Variants in LSAMP observed in about 807,000 individuals in gnomAD.
LSAMP encodes the protein limbic system associated membrane protein.
Under a neutral mutation model 38.6 loss-of-function variants are expected in LSAMP, and 7 were observed. The ratio of observed to expected loss-of-function variants is 0.18; its 90% confidence interval spans 0.10 to 0.34. The LOEUF (loss-of-function observed/expected upper bound fraction) is 0.34, where lower values mean the gene tolerates loss of function less well. Among genes scored for constraint, LSAMP ranks in the 10% least tolerant of loss-of-function variants. LSAMP has a pLI of 1.00. For synonymous variants in LSAMP, 154 were observed against 166.8 expected, an observed-to-expected ratio of 0.92 and a Z score of 0.59; for missense variants, 313 against 420.0, an observed-to-expected ratio of 0.75 and a Z score of 2.23.
intron 1 of LSAMP, among the ~76,000 whole-genome samples, chr3:116,116,738 A>AATG (rs1338478700): frequency 1.3e-5 from 2 of 151,702 alleles, no homozygotes; most frequent in East Asian, 3.9e-4. Flanking sequence ...TAATAATAAT[A>AATG]ATAATAATAA....
At chr3:115,838,193 T>C (rs925013347) in intron 6 of LSAMP, 1 of 152,242 alleles carries the variant, frequency 6.6e-6, no homozygotes, top group African/African-American at 2.4e-5. Context: ...AATCAGATCA[T>C]GTATCTGAAA....
At chr3:116,056,001 T>G (rs55851212) in intron 2 of LSAMP, among the ~76,000 whole-genome samples, 36,672 of 151,954 alleles carry the variant, frequency 0.24, 4,536 homozygotes, top group Admixed American at 0.29. Flanking sequence ...ACACGACTAT[T>G]GAGGGAGCAG....
intron 3 of LSAMP, among the ~76,000 whole-genome samples, chr3:115,854,376 A>G (rs915463957): frequency 6.9e-6 from 1 of 144,736 alleles, no homozygotes; most frequent in Admixed American, 7.1e-5. Flanking sequence ...TCCGCCTCCC[A>G]GGTTCACGCC....
intron 4 of LSAMP, among the ~76,000 whole-genome samples, chr3:115,843,080 C>T (rs1164572178): frequency 6.6e-6 from 1 of 152,140 alleles, no homozygotes; most frequent in African/African-American, 2.4e-5. Context: ...GATATTGTTG[C>T]AGGATTCAGA....
At chr3:116,043,924 C>T (rs1286383399) in intron 2 of LSAMP, among the ~76,000 whole-genome samples, 3 of 152,082 alleles carry the variant, frequency 2.0e-5, no homozygotes, top group Non-Finnish European at 4.4e-5. Context: ...CCCGCCTGGG[C>T]GAAAGAGCGA....
At chr3:115,899,908 C>T (rs1290529147) in intron 3 of LSAMP, among the ~76,000 whole-genome samples, 16 of 152,094 alleles carry the variant, frequency 1.1e-4, no homozygotes, top group Non-Finnish European at 2.4e-4. Context: ...ATTGAAAGAT[C>T]GTCTTCCTGA....
chr3:116,267,705 G>A (rs191202428), intron 1 of LSAMP, among the ~76,000 whole-genome samples: 10 of 151,682 alleles, frequency 6.6e-5, no homozygotes, highest in Non-Finnish European at 8.8e-5. Flanking sequence ...TCCTCTGTTC[G>A]TCTGTTTTTT....
chr3:115,890,532 T>G (rs1042888090), intron 3 of LSAMP, among the ~76,000 whole-genome samples: 1 of 151,970 alleles, frequency 6.6e-6, no homozygotes, highest in Non-Finnish European at 1.5e-5. Context: ...CACAGCCGGT[T>G]GAAGTTGAAT....
At chr3:116,438,496 C>A (rs1257597133) in intron 1 of LSAMP, among the ~76,000 whole-genome samples, 2 of 152,112 alleles carry the variant, frequency 1.3e-5, no homozygotes, top group Non-Finnish European at 2.9e-5. Context: ...AAGTCTTTAT[C>A]TATGACATAG....
intron 1 of LSAMP, among the ~76,000 whole-genome samples, chr3:116,119,507 A>G (rs1708827372): frequency 6.6e-6 from 1 of 152,012 alleles, no homozygotes; most frequent in South Asian, 2.1e-4. Context: ...AAAATAAAAC[A>G]AATACTGGGG....
chr3:116,175,687 A>G (rs1184699241), intron 1 of LSAMP, among the ~76,000 whole-genome samples: 2 of 152,116 alleles, frequency 1.3e-5, no homozygotes, highest in African/African-American at 2.4e-5. Context: ...ATACATATTT[A>G]TATCTTATAA....
At chr3:115,992,341 G>A (rs1000098114) in intron 3 of LSAMP, among the ~76,000 whole-genome samples, 2 of 151,826 alleles carry the variant, frequency 1.3e-5, no homozygotes, top group South Asian at 2.1e-4. Context: ...TTCCCATCTC[G>A]CTACTCTCCT....
At chr3:116,022,751 T>C (rs1176560316) in intron 2 of LSAMP, among the ~76,000 whole-genome samples, 1 of 152,198 alleles carries the variant, frequency 6.6e-6, no homozygotes, top group Non-Finnish European at 1.5e-5. Context: ...ACCTATTTTC[T>C]AGCTTCAGAA....
At chr3:116,133,272 TTTTG>T (rs1288152081) in intron 1 of LSAMP, among the ~76,000 whole-genome samples, 2 of 151,664 alleles carry the variant, frequency 1.3e-5, no homozygotes, top group African/African-American at 4.8e-5. Flanking sequence ...GTTGTTGTTG[TTTTG>T]TTTGTTTTGC....
intron 3 of LSAMP, among the ~76,000 whole-genome samples, chr3:115,862,291 G>A (rs932501591): frequency 6.6e-6 from 1 of 152,202 alleles, no homozygotes; most frequent in Non-Finnish European, 1.5e-5. Flanking sequence ...AAATCAATTG[G>A]CATTTAGTAA....
intron 1 of LSAMP, among the ~76,000 whole-genome samples, chr3:116,172,961 A>AAG (rs1169456812): frequency 6.6e-6 from 1 of 151,990 alleles, no homozygotes; most frequent in African/African-American, 2.4e-5. Context: ...AGAGAAAAAA[A>AAG]AGAGTCCCAC....
intron 3 of LSAMP, among the ~76,000 whole-genome samples, chr3:115,960,731 A>G (rs893171596): frequency 3.9e-5 from 6 of 152,232 alleles, no homozygotes; most frequent in Non-Finnish European, 5.9e-5. Flanking sequence ...AGAGTTATCA[A>G]TTCAGGTTTA....
intron 1 of LSAMP, among the ~76,000 whole-genome samples, chr3:116,092,776 G>A (rs1375319777): frequency 6.6e-6 from 1 of 152,132 alleles, no homozygotes; most frequent in Non-Finnish European, 1.5e-5. Context: ...GAAAAGAAAT[G>A]CTAAAATCAG....
intron 1 of LSAMP, among the ~76,000 whole-genome samples, chr3:116,188,185 A>C (rs1710668967): frequency 6.6e-6 from 1 of 152,090 alleles, no homozygotes; most frequent in Non-Finnish European, 1.5e-5. Context: ...ACCACTTGTT[A>C]GTGGGAGTTC....
Sources: gnomAD v4.1 joint callset for allele counts (sites outside exome capture counted in the v4.1 genomes callset) on GRCh38, gnomAD v4.1.1 for gene constraint, MANE v1.5 for transcripts, NCBI Gene and HGNC (gene_info 2026-07-23, HGNC 2026-07-21) for gene names.